SAMD3: variants seen among roughly 807,000 people sequenced by gnomAD.
The protein encoded by SAMD3 is sterile alpha motif domain containing 3.
In SAMD3, 63 loss-of-function variants were observed where a neutral mutation model predicts 58.5. That is an observed-to-expected ratio of 1.08 (90% CI 0.88 to 1.33). The LOEUF (loss-of-function observed/expected upper bound fraction) is 1.33. Among genes scored for constraint, SAMD3 ranks in the 40% most tolerant of loss-of-function variants. The probability of loss-of-function intolerance (pLI) is 0.00; values close to 1 mark genes in which losing one functional copy is unlikely to be tolerated. For missense variants in SAMD3, 604 were observed against 608.4 expected (o/e 0.99, Z 0.08); for synonymous variants, 220 against 210.3 (o/e 1.05, Z -0.40).
chr6:130,325,158 G>T (rs1404061516), intron 1 of SAMD3, among the ~76,000 whole-genome samples: 1 of 152,128 alleles, frequency 6.6e-6, no homozygotes, highest in African/African-American at 2.4e-5. Context: ...TAGTATGTTA[G>T]TCAGGGTTCT....
At chr6:130,281,222 G>A (rs890662774) in intron 2 of SAMD3, among the ~76,000 whole-genome samples, 28 of 152,312 alleles carry the variant, frequency 1.8e-4, no homozygotes, top group Admixed American at 9.8e-4. Context: ...AAGCAATACT[G>A]TGTATAAGGG....
At chr6:130,345,193 C>T (rs1395636454) in intron 1 of SAMD3, among the ~76,000 whole-genome samples, 3 of 152,116 alleles carry the variant, frequency 2.0e-5, no homozygotes, top group Non-Finnish European at 4.4e-5. Context: ...GTGGAAGAAG[C>T]CTGCGTAAGC....
At chr6:130,158,192 T>C (rs1218912755) in intron 8 of SAMD3, among the ~76,000 whole-genome samples, 1 of 152,216 alleles carries the variant, frequency 6.6e-6, no homozygotes, top group Non-Finnish European at 1.5e-5. Context: ...ACCACAATTT[T>C]TTTTATCAGA....
In SAMD3 at chr6:130,232,594, C is replaced by A. The variant is rs192751388; in HGVS notation, c.-187-9781G>T. Among the ~76,000 whole-genome samples, 752 of 151,696 alleles carry A rather than the reference C, an allele frequency of 5.0e-3. 3 individuals carry two copies. Among genetic ancestry groups the A allele is most frequent in the African/African-American group, 7.9e-3 (329 of 41,396 alleles). ...AGTTTACGAGTTCAAGTGATAGAATCAAAAAAAATAAGGTCTACATGTTGG... is the reference window on the plus strand; with the variant it reads ...AGTTTACGAGTTCAAGTGATAGAATAAAAAAAAATAAGGTCTACATGTTGG... On this transcript the variant is annotated intron_variant, in intron 2 of 13. Coordinates refer to the SAMD3 transcript ENST00000368134.
intron 11 of SAMD3, among the ~76,000 whole-genome samples, chr6:130,145,040 A>C (rs190819799): frequency 1.1e-3 from 160 of 152,280 alleles, no homozygotes; most frequent in African/African-American, 3.7e-3. Flanking sequence ...CAGGTGGATC[A>C]CCTGAGGTCA....
chr6:130,282,945 G>A lies in SAMD3; in HGVS notation c.-188+30033C>T, dbSNP rs147511313. On this transcript the variant is annotated intron_variant, in intron 2 of 13. Transcript: ENST00000368134. Reference sequence around the variant, plus strand: ...AACAATTTATAAGTCAACAGACACAGCAATGGGGATAATCGGAACCCCAAG... The same window carrying A: ...AACAATTTATAAGTCAACAGACACAACAATGGGGATAATCGGAACCCCAAG... Among the ~76,000 whole-genome samples, 528 of 152,254 alleles carry A rather than the reference G, an allele frequency of 3.5e-3. 5 individuals are homozygous for A. The highest frequency in any genetic ancestry group is 0.012 in the African/African-American group (507 of 41,548).
chr6:130,284,419 T>C (rs1034299590), intron 2 of SAMD3, among the ~76,000 whole-genome samples: 8 of 152,036 alleles, frequency 5.3e-5, no homozygotes, highest in Non-Finnish European at 7.4e-5. Context: ...AAAGATAACT[T>C]AGTTAATCTT....
chr6:130,201,590 AAG>A (rs1261510380), intron 5 of SAMD3, among the ~76,000 whole-genome samples: 1 of 152,210 alleles, frequency 6.6e-6, no homozygotes, highest in African/African-American at 2.4e-5. Context: ...GTGCAAAGTT[AAG>A]AGATGCTTAG....
At chr6:130,364,330 C>T (rs986245549) in intron 1 of SAMD3, among the ~76,000 whole-genome samples, 1 of 151,894 alleles carries the variant, frequency 6.6e-6, no homozygotes, top group South Asian at 2.1e-4. Flanking sequence ...GGCTAGATGA[C>T]CATTTTAAAC....
At chr6:130,152,273 C>G (rs1376882938) in intron 9 of SAMD3, among the ~76,000 whole-genome samples, 2 of 152,142 alleles carry the variant, frequency 1.3e-5, no homozygotes, top group Non-Finnish European at 2.9e-5. Flanking sequence ...GTCAAACTTG[C>G]TTTTATTTTA....
chr6:130,227,146 C>T (rs987734522), upstream of SAMD3, among the ~76,000 whole-genome samples: 1 of 152,184 alleles, frequency 6.6e-6, no homozygotes, highest in Non-Finnish European at 1.5e-5. Flanking sequence ...GCCCTAGTCC[C>T]TGATGACCAT....
chr6:130,258,226 T>C (rs1281868643), intron 2 of SAMD3, among the ~76,000 whole-genome samples: 1 of 152,184 alleles, frequency 6.6e-6, no homozygotes, highest in Non-Finnish European at 1.5e-5. Flanking sequence ...ATTGTTTTAA[T>C]GGCATATTGT....
chr6:130,326,830 C>G (rs1776776283), intron 1 of SAMD3, among the ~76,000 whole-genome samples: 2 of 152,170 alleles, frequency 1.3e-5, no homozygotes, highest in Non-Finnish European at 2.9e-5. Context: ...CTCCACCACT[C>G]CAGTTGTAAA....
intron 3 of SAMD3, among the ~76,000 whole-genome samples, chr6:130,214,925 T>C (rs536355514): frequency 3.2e-4 from 49 of 152,288 alleles, no homozygotes; most frequent in Non-Finnish European, 5.7e-4. Context: ...AAAAGCAATA[T>C]TAAATGCATA....
In SAMD3 at chr6:130,261,292, G is replaced by A. The variant is rs9483102; in HGVS notation, c.-187-38479C>T. 3.6e-4 allele frequency among the ~76,000 whole-genome samples: 40 copies of A among 111,778 alleles called. 8 individuals are homozygous for A. Among genetic ancestry groups the A allele is most frequent in the South Asian group, 9.6e-4 (3 of 3,118 alleles). The allele number at this position is 111,778 out of a possible 152,430, so 73.3% of individuals were successfully genotyped here. On this transcript the variant is annotated intron_variant, in intron 2 of 13. Transcript: ENST00000368134. ...TTGCCTACTCCATTTGAGTGGAAGC[G>A]TGGCCTGATCACCCACGGCGTGCCT...
intron 8 of SAMD3, among the ~76,000 whole-genome samples, chr6:130,158,146 T>G (rs970588972): frequency 2.6e-5 from 4 of 152,184 alleles, no homozygotes; most frequent in African/African-American, 9.6e-5. Flanking sequence ...GAGCTGCTGA[T>G]TCAATATTTC....
At chr6:130,287,995 G>A (rs946841225) in intron 2 of SAMD3, among the ~76,000 whole-genome samples, 14 of 151,048 alleles carry the variant, frequency 9.3e-5, no homozygotes, top group Non-Finnish European at 1.5e-4. Flanking sequence ...GATGTCCTCC[G>A]CTCCAGGTGG....
At chr6:130,225,042 TAAAG>T (rs1351367701), upstream of SAMD3, among the ~76,000 whole-genome samples, 1 of 151,786 alleles carries the variant, frequency 6.6e-6, no homozygotes, top group Non-Finnish European at 1.5e-5. Flanking sequence ...TAGAGAGAGA[TAAAG>T]AGAGACAGAC....
At chr6:130,337,905 A>C (rs997849414) in intron 1 of SAMD3, among the ~76,000 whole-genome samples, 1 of 152,184 alleles carries the variant, frequency 6.6e-6, no homozygotes. Flanking sequence ...AGAAAAGAAA[A>C]CCTCATTTTC....
Sources: gnomAD v4.1 joint callset for allele counts (sites outside exome capture counted in the v4.1 genomes callset) on GRCh38, gnomAD v4.1.1 for gene constraint, MANE v1.5 for transcripts, NCBI Gene and HGNC (gene_info 2026-07-23, HGNC 2026-07-21) for gene names.